FTO: variants seen among roughly 807,000 people sequenced by gnomAD.
FTO encodes FTO alpha-ketoglutarate dependent dioxygenase, also known as alpha-ketoglutarate-dependent dioxygenase FTO.
A neutral mutation model predicts 63.9 loss-of-function variants in FTO; 47 were observed. That is an observed-to-expected ratio of 0.74 (90% CI 0.58 to 0.94). The LOEUF (loss-of-function observed/expected upper bound fraction) is 0.94, where lower values mean the gene tolerates loss of function less well. Ranked by LOEUF, FTO falls within the 40% of genes least tolerant of loss-of-function variation. FTO has a pLI of 0.00. For synonymous variants in FTO, 207 were observed against 224.4 expected (o/e 0.92, Z 0.69); for missense variants, 562 against 618.1 (o/e 0.91, Z 0.96).
chr16:53,784,516 T>A (rs2077681536), intron 1 of FTO, among the ~76,000 whole-genome samples: 4 of 152,170 alleles, frequency 2.6e-5, no homozygotes, highest in Admixed American at 2.6e-4. Flanking sequence ...CAGGCATAGC[T>A]CAGCAGACCT....
intron 2 of FTO, among the ~76,000 whole-genome samples, chr16:53,813,912 C>T (rs1249300422): frequency 2.0e-5 from 3 of 152,168 alleles, no homozygotes; most frequent in Non-Finnish European, 1.5e-5. Flanking sequence ...CTGTAAGTTC[C>T]ACCTACTTGG....
intron 8 of FTO, among the ~76,000 whole-genome samples, chr16:54,017,399 T>G (rs1399204615): frequency 3.9e-5 from 6 of 152,176 alleles, no homozygotes; most frequent in Admixed American, 1.3e-4. Context: ...ATCATGAGCT[T>G]CTTTGGGACT....
chr16:54,060,719 C>A (rs2085549101), intron 8 of FTO, among the ~76,000 whole-genome samples: 1 of 152,190 alleles, frequency 6.6e-6, no homozygotes, highest in African/African-American at 2.4e-5. Context: ...CCCAGCCATA[C>A]TGGGACGCTA....
chr16:53,777,823 T>C (rs951974066), intron 1 of FTO, among the ~76,000 whole-genome samples: 9 of 152,218 alleles, frequency 5.9e-5, no homozygotes, highest in Non-Finnish European at 1.3e-4. Flanking sequence ...CAAGCTCACT[T>C]GATTAATTGT....
At chr16:53,714,684 T>G (rs1373386239) in intron 1 of FTO, among the ~76,000 whole-genome samples, 1 of 152,136 alleles carries the variant, frequency 6.6e-6, no homozygotes, top group East Asian at 1.9e-4. Context: ...TGCGAGCCAT[T>G]TTTGTTTTAG....
intron 4 of FTO, among the ~76,000 whole-genome samples, chr16:53,866,570 A>G (rs922108488): frequency 1.3e-5 from 2 of 152,040 alleles, no homozygotes; most frequent in African/African-American, 2.4e-5. Flanking sequence ...TATTCATATT[A>G]TTCATTTCTT....
At chr16:54,083,577 T>C (rs2144520808) in intron 8 of FTO, among the ~76,000 whole-genome samples, 1 of 152,242 alleles carries the variant, frequency 6.6e-6, no homozygotes, top group African/African-American at 2.4e-5. Flanking sequence ...TTGTCATGGT[T>C]AGAGAGCCCA....
chr16:54,010,766 G>C (rs189932643), intron 8 of FTO, among the ~76,000 whole-genome samples: 1 of 152,272 alleles, frequency 6.6e-6, no homozygotes, highest in African/African-American at 2.4e-5. Context: ...TGTGCCCCTG[G>C]GTGAACGGCC....
intron 8 of FTO, among the ~76,000 whole-genome samples, chr16:54,018,665 T>G (rs1421339168): frequency 6.6e-6 from 1 of 152,102 alleles, no homozygotes; most frequent in Non-Finnish European, 1.5e-5. Context: ...TCTCATGAGA[T>G]CTGATGGTTT....
At chr16:54,109,216 A>C (rs2086822085) in intron 8 of FTO, among the ~76,000 whole-genome samples, 1 of 152,216 alleles carries the variant, frequency 6.6e-6, no homozygotes, top group South Asian at 2.1e-4. Context: ...GCTCTGAAGA[A>C]ACCCAACAAA....
chr16:54,071,898 G>A (rs1262712964), intron 8 of FTO: 3 of 152,166 alleles, frequency 2.0e-5, no homozygotes, highest in African/African-American at 7.2e-5. Context: ...CAATAGGGGA[G>A]TTTGTCTGCA....
intron 3 of FTO, among the ~76,000 whole-genome samples, chr16:53,828,057 G>C (rs765515102): frequency 6.6e-6 from 1 of 152,094 alleles, no homozygotes; most frequent in Non-Finnish European, 1.5e-5. Context: ...CTTTCAGAAA[G>C]GAATTTAAAT....
chr16:54,063,717 AATATTTT>A (rs2085647951), intron 8 of FTO: 1 of 149,488 alleles, frequency 6.7e-6, no homozygotes, highest in African/African-American at 2.5e-5. Context: ...TTTTCAGTAG[AATATTTT>A]GACCCCCAGA....
chr16:53,971,211 A>G (rs11859606), intron 8 of FTO, among the ~76,000 whole-genome samples: 2,104 of 152,328 alleles, frequency 0.014, 57 homozygotes, highest in African/African-American at 0.047. Context: ...TTGATTTAAC[A>G]TAGTTATAAG....
intron 1 of FTO, among the ~76,000 whole-genome samples, chr16:53,794,885 A>C (rs2078020464): frequency 6.6e-6 from 1 of 152,182 alleles, no homozygotes; most frequent in Non-Finnish European, 1.5e-5. Context: ...TTAGCCTTCA[A>C]AATGCAATAC....
intron 1 of FTO, among the ~76,000 whole-genome samples, chr16:53,804,333 A>G (rs76131784): frequency 0.032 from 4,871 of 152,314 alleles, 93 homozygotes; most frequent in South Asian, 0.093. Flanking sequence ...ATTTTATTTT[A>G]TCATCACAAC....
At chr16:54,019,769 G>A (rs1385973682) in intron 8 of FTO, among the ~76,000 whole-genome samples, 1 of 152,136 alleles carries the variant, frequency 6.6e-6, no homozygotes. Flanking sequence ...AAAGTTTACA[G>A]CCTGATGAAA....
intron 8 of FTO, among the ~76,000 whole-genome samples, chr16:54,086,185 A>G (rs2086251472): frequency 6.6e-6 from 1 of 152,220 alleles, no homozygotes; most frequent in African/African-American, 2.4e-5. Flanking sequence ...TAACACAATT[A>G]TATAAAATTT....
At chr16:54,014,245 T>C (rs139987472) in intron 8 of FTO, among the ~76,000 whole-genome samples, 82 of 152,290 alleles carry the variant, frequency 5.4e-4, no homozygotes, top group African/African-American at 1.8e-3. Context: ...TGATCCCCAA[T>C]TTTAGAGGTA....
Sources: gnomAD v4.1 joint callset for allele counts (sites outside exome capture counted in the v4.1 genomes callset) on GRCh38, gnomAD v4.1.1 for gene constraint, MANE v1.5 for transcripts, NCBI Gene and HGNC (gene_info 2026-07-23, HGNC 2026-07-21) for gene names.